Variants in ZDHHC15 observed in about 807,000 individuals in gnomAD.
The protein encoded by ZDHHC15 is palmitoyltransferase ZDHHC15.
A neutral mutation model predicts 31.7 loss-of-function variants in ZDHHC15; 19 were observed. The ratio of observed to expected loss-of-function variants is 0.60; its 90% CI spans 0.42 to 0.88. The LOEUF is 0.88. ZDHHC15 is among the 40% of genes least tolerant of loss of function. The pLI is 0.00. For synonymous variants in ZDHHC15, 103 were observed against 90.0 expected (o/e 1.14, Z -0.82); for missense variants, 209 against 251.2 (o/e 0.83, Z 1.14).
At chrX:75,492,110 C>A (rs554319577) in intron 2 of ZDHHC15, among the ~76,000 whole-genome samples, 90 of 110,628 alleles carry the variant, frequency 8.1e-4, no homozygotes, top group Middle Eastern at 4.6e-3. Context: ...TACCAAGCAA[C>A]TGGAAAACAA....
intron 2 of ZDHHC15, among the ~76,000 whole-genome samples, chrX:75,493,911 C>T (rs1449989343): frequency 3.6e-5 from 4 of 111,394 alleles, no homozygotes; most frequent in East Asian, 2.8e-4. Context: ...CTATTCAACA[C>T]AGTGTTGGAA....
chrX:75,521,930 T>G (rs1290247288), intron 1 of ZDHHC15, among the ~76,000 whole-genome samples: 1 of 110,686 alleles, frequency 9.0e-6, no homozygotes, highest in East Asian at 2.8e-4. Flanking sequence ...GGCCCTTTGA[T>G]GGAATAGGAG....
chrX:75,513,366 A>T (rs2085305413), intron 1 of ZDHHC15, among the ~76,000 whole-genome samples: 1 of 111,992 alleles, frequency 8.9e-6, no homozygotes, highest in African/African-American at 3.2e-5. Context: ...CCCTCCTCAA[A>T]AGCAACTAAT....
At chrX:75,400,742 G>A (rs2083347397) in intron 10 of ZDHHC15, among the ~76,000 whole-genome samples, 1 of 111,164 alleles carries the variant, frequency 9.0e-6, no homozygotes, top group Non-Finnish European at 1.9e-5. Flanking sequence ...GAAAGGGTAG[G>A]TCACCTTCAA....
intron 4 of ZDHHC15, among the ~76,000 whole-genome samples, chrX:75,434,917 T>C (rs1451917354): frequency 1.8e-5 from 2 of 112,496 alleles, no homozygotes. Flanking sequence ...ATGTGTATAT[T>C]GCTTTTGGCA....
chrX:75,491,119 T>A (rs2084881318), intron 2 of ZDHHC15, among the ~76,000 whole-genome samples: 1 of 111,354 alleles, frequency 9.0e-6, no homozygotes, highest in Non-Finnish European at 1.9e-5. Context: ...AGCCATCCCA[T>A]TACTGGGTAT....
intron 3 of ZDHHC15, among the ~76,000 whole-genome samples, chrX:75,464,490 C>T (rs1354883655): frequency 1.8e-5 from 2 of 110,629 alleles, no homozygotes; most frequent in Non-Finnish European, 3.8e-5. Context: ...AAACTGCTAC[C>T]TCCTGCTTGT....
intron 4 of ZDHHC15, among the ~76,000 whole-genome samples, chrX:75,448,313 A>C (rs12008941): frequency 1.8e-5 from 2 of 111,998 alleles, no homozygotes; most frequent in South Asian, 3.7e-4. Flanking sequence ...TGCTTGCTAA[A>C]GGCAAAGGGA....
chrX:75,478,802 A>G (rs1015368879), intron 3 of ZDHHC15, 89 bp downstream of exon 3: 16 of 682,196 alleles, frequency 2.3e-5, no homozygotes, highest in Admixed American at 3.2e-5. Flanking sequence ...CTTTCGTATT[A>G]TTTACTCCTC....
Position 75,372,517 on chromosome X carries a change from G to A in ZDHHC15, c.*461C>T, listed in dbSNP as rs746836838. ...AGAATTTTGTATAGATATGCTGTAC[G>A]TGTTCACAAATGCACACGCACACAA... On this transcript the variant is annotated 3_prime_UTR_variant, in exon 12 of 12. Transcript: ENST00000373367. 2.7e-5 allele frequency: 3 copies of A among 111,578 alleles called. No homozygotes were observed. The highest frequency in any genetic ancestry group is 3.7e-4 in the South Asian group (1 of 2,680). 9.2% of individuals were successfully genotyped at this position (111,578 alleles called of 1,213,427 possible).
chrX:75,471,182 A>G (rs1019943268), intron 3 of ZDHHC15, among the ~76,000 whole-genome samples: 5 of 112,421 alleles, frequency 4.4e-5, no homozygotes, highest in African/African-American at 1.6e-4. Context: ...ATTCCTGTCC[A>G]TAAGGCCCAC....
intron 4 of ZDHHC15, among the ~76,000 whole-genome samples, chrX:75,431,923 A>G (rs752529636): frequency 8.9e-6 from 1 of 111,984 alleles, no homozygotes; most frequent in South Asian, 3.7e-4. Context: ...TGTGGTGGAT[A>G]ACACTCCTAA....
At position 75,479,498 on chromosome X, in the gene ZDHHC15, G is replaced by GT. The variant is rs1385467081; in HGVS notation, c.164-514dup. ...GTAGCCAGGTGTTAAAGACTAAACA[G>GT]TTTTTTTCTTTTAAAAAAGTTTGTA... On this transcript the variant is annotated intron_variant, in intron 2 of 11. Coordinates refer to ENST00000373367, the MANE Select transcript of ZDHHC15 (RefSeq NM_144969.3). 3.6e-5 allele frequency among the ~76,000 whole-genome samples: 4 copies of GT among 111,973 alleles called. No individual in the cohort carries two copies. In the East Asian group the frequency reaches 8.4e-4, roughly 23 times the overall value.
intron 2 of ZDHHC15, among the ~76,000 whole-genome samples, chrX:75,479,812 T>C (rs1231055000): frequency 8.9e-6 from 1 of 111,960 alleles, no homozygotes; most frequent in African/African-American, 3.2e-5. Context: ...GGCCTCCAGT[T>C]CCATCCATCT....
At chrX:75,492,959 C>T (rs867621676) in intron 2 of ZDHHC15, among the ~76,000 whole-genome samples, 2 of 111,172 alleles carry the variant, frequency 1.8e-5, no homozygotes, top group Non-Finnish European at 3.8e-5. Flanking sequence ...AATAGAGAGA[C>T]AAAAAAATCC....
At chrX:75,481,329 T>G (rs2084685840) in intron 2 of ZDHHC15, among the ~76,000 whole-genome samples, 1 of 111,683 alleles carries the variant, frequency 9.0e-6, no homozygotes, top group Non-Finnish European at 1.9e-5. Flanking sequence ...CCTGAGTGAC[T>G]GAGCACTAAA....
rs370977714 is a variant in ZDHHC15 at position 75,488,776 on chromosome X, G to A, written c.164-9791C>T. 8.9e-4 allele frequency among the ~76,000 whole-genome samples: 99 copies of A among 111,813 alleles called. No individual in the cohort carries two copies. The East Asian group carries it at 0.016, about 19-fold the overall frequency. ...GGACAGTGGGTGCAGTGCACCAAGC[G>A]CTAGCCGAAGCAGGGCGAGGCATTG... On this transcript the variant is annotated intron_variant, in intron 2 of 11. Transcript: ENST00000373367.
intron 3 of ZDHHC15, among the ~76,000 whole-genome samples, chrX:75,468,757 T>C (rs181383446): frequency 8.9e-6 from 1 of 112,171 alleles, no homozygotes; most frequent in African/African-American, 3.2e-5. Context: ...ATTTATTTAA[T>C]TTGGCTATCC....
chrX:75,389,222 G>A (rs1336477365), intron 10 of ZDHHC15, among the ~76,000 whole-genome samples: 1 of 111,758 alleles, frequency 8.9e-6, no homozygotes, highest in Non-Finnish European at 1.9e-5. Context: ...GTTCTAGAAA[G>A]TACCGCTACT....
Sources: gnomAD v4.1 joint callset for allele counts (sites outside exome capture counted in the v4.1 genomes callset) on GRCh38, gnomAD v4.1.1 for gene constraint, MANE v1.5 for transcripts, NCBI Gene and HGNC (gene_info 2026-07-23, HGNC 2026-07-21) for gene names.